Variants in ATRNL1 observed in about 807,000 individuals in gnomAD.
The protein encoded by ATRNL1 is attractin like 1.
ATRNL1 carries 95 observed loss-of-function variants against 182.7 expected under a neutral mutation model. The observed-to-expected ratio is 0.52, with a 90% CI of 0.44 to 0.62. The LOEUF is 0.62. ATRNL1 is among the 20% of genes least tolerant of loss of function. The pLI is 0.00. For synonymous variants in ATRNL1, 576 were observed against 568.3 expected (o/e 1.01, Z -0.19); for missense variants, 1,471 against 1,679.5 (o/e 0.88, Z 2.17).
At chr10:115,475,772 C>A (rs951995873) in intron 24 of ATRNL1, among the ~76,000 whole-genome samples, 1 of 151,240 alleles carries the variant, frequency 6.6e-6, no homozygotes, top group African/African-American at 2.4e-5. Flanking sequence ...TCACCGTCAA[C>A]GTCATTGGTA....
intron 8 of ATRNL1, among the ~76,000 whole-genome samples, chr10:115,205,183 C>T (rs1848750313): frequency 6.6e-6 from 1 of 151,950 alleles, no homozygotes; most frequent in African/African-American, 2.4e-5. Context: ...CACACACCAC[C>T]ATTACAGTAT....
At chr10:115,462,185 T>G (rs1554969843) in intron 22 of ATRNL1, 150 bp downstream of exon 22, 1 of 496,380 alleles carries the variant, frequency 2.0e-6, no homozygotes. Flanking sequence ...TCTTCGTGAT[T>G]CAATAATTTG....
chr10:115,748,922 G>C (rs1565344752), intron 27 of ATRNL1, among the ~76,000 whole-genome samples: 1 of 151,918 alleles, frequency 6.6e-6, no homozygotes, highest in East Asian at 1.9e-4. Flanking sequence ...AATGTATTTA[G>C]CTTAAATAAT....
At chr10:115,791,066 A>G (rs540795849) in intron 27 of ATRNL1, among the ~76,000 whole-genome samples, 107 of 152,264 alleles carry the variant, frequency 7.0e-4, no homozygotes, top group African/African-American at 2.3e-3. Context: ...TATATTATAC[A>G]TGTTCCTGTC....
chr10:115,850,364 A>G (rs994931849), intron 28 of ATRNL1, among the ~76,000 whole-genome samples: 7 of 152,196 alleles, frequency 4.6e-5, no homozygotes, highest in Non-Finnish European at 7.3e-5. Flanking sequence ...AATTTTTCCA[A>G]TATCATCATC....
At chr10:115,797,238 A>G (rs555476837) in intron 27 of ATRNL1, among the ~76,000 whole-genome samples, 2 of 152,360 alleles carry the variant, frequency 1.3e-5, no homozygotes, top group African/African-American at 4.8e-5. Context: ...GGCCCAGTAC[A>G]AAATGAAAAT....
intron 26 of ATRNL1, among the ~76,000 whole-genome samples, chr10:115,662,033 G>T (rs1312632559): frequency 6.6e-6 from 1 of 151,258 alleles, no homozygotes; most frequent in Non-Finnish European, 1.5e-5. Flanking sequence ...GCAGTGTTTG[G>T]TTTTTTGTCC....
At chr10:115,836,635 C>T (rs1232658500) in intron 27 of ATRNL1, among the ~76,000 whole-genome samples, 2 of 152,138 alleles carry the variant, frequency 1.3e-5, no homozygotes, top group Non-Finnish European at 1.5e-5. Flanking sequence ...GTGACTCTCC[C>T]GTGTGGCATC....
At chr10:115,152,007 A>G (rs539409384) in intron 5 of ATRNL1, among the ~76,000 whole-genome samples, 1 of 152,330 alleles carries the variant, frequency 6.6e-6, no homozygotes, top group African/African-American at 2.4e-5. Context: ...CAGGTTTGTC[A>G]AAGATCAGAT....
chr10:115,706,877 G>T (rs1946916065), intron 26 of ATRNL1, among the ~76,000 whole-genome samples: 1 of 151,754 alleles, frequency 6.6e-6, no homozygotes, highest in African/African-American at 2.4e-5. Context: ...TTCTGAAAAA[G>T]ATTACTTCCT....
chr10:115,502,741 T>C (rs1554980384), intron 24 of ATRNL1, among the ~76,000 whole-genome samples: 1 of 152,126 alleles, frequency 6.6e-6, no homozygotes, highest in African/African-American at 2.4e-5. Flanking sequence ...TAAACTGAAC[T>C]GATTTTATCT....
intron 26 of ATRNL1, among the ~76,000 whole-genome samples, chr10:115,672,128 A>G (rs545000317): frequency 6.6e-6 from 1 of 152,254 alleles, no homozygotes; most frequent in Non-Finnish European, 1.5e-5. Flanking sequence ...AATGATAAAA[A>G]CAACAATTAC....
At chr10:115,750,457 G>T (rs2907529) in intron 27 of ATRNL1, among the ~76,000 whole-genome samples, 4 of 151,730 alleles carry the variant, frequency 2.6e-5, no homozygotes, top group Non-Finnish European at 5.9e-5. Context: ...AAATGTAACA[G>T]AATCAAATTC....
intron 5 of ATRNL1, among the ~76,000 whole-genome samples, chr10:115,130,531 AT>A (rs11311101): frequency 0.013 from 1,981 of 152,208 alleles, 39 homozygotes; most frequent in African/African-American, 0.046. Context: ...TCATTAAAAA[AT>A]ATTAGGTATG....
intron 21 of ATRNL1, among the ~76,000 whole-genome samples, chr10:115,451,005 A>G (rs1274683211): frequency 2.0e-5 from 3 of 152,206 alleles, no homozygotes; most frequent in African/African-American, 7.2e-5. Context: ...AATAAAGCTC[A>G]CAAAAACAAG....
At position 115,366,852 on chromosome 10, in the gene ATRNL1, T is replaced by C. The variant is rs1444218324; in HGVS notation, c.3176-27807T>C. 3.4e-5 allele frequency among the ~76,000 whole-genome samples: 5 copies of C among 144,972 alleles called. No individual in the cohort carries two copies. The South Asian group carries it at 6.5e-4, about 19-fold the overall frequency. Reference sequence around the variant, plus strand: ...AAGAATGTTGAATATTGGCCCCCACTCTCTTCTGGCTTGTAGGGTTTCTGC... The same window carrying C: ...AAGAATGTTGAATATTGGCCCCCACCCTCTTCTGGCTTGTAGGGTTTCTGC... On this transcript the variant is annotated intron_variant, in intron 19 of 28. Coordinates refer to ENST00000355044, the MANE Select transcript of ATRNL1 (RefSeq NM_207303.4).
At chr10:115,194,239 T>C (rs1255862408) in intron 8 of ATRNL1, among the ~76,000 whole-genome samples, 8 of 152,044 alleles carry the variant, frequency 5.3e-5, no homozygotes, top group East Asian at 1.9e-4. Flanking sequence ...TCTGATCTGA[T>C]GTTTCTTTGT....
chr10:115,480,769 A>ACC (rs1366862143), intron 24 of ATRNL1, among the ~76,000 whole-genome samples: 5 of 151,216 alleles, frequency 3.3e-5, no homozygotes, highest in Non-Finnish European at 7.4e-5. Flanking sequence ...CATATTGCCC[A>ACC]CAAAGCTGAA....
chr10:115,325,958 T>C (rs1257260384), intron 18 of ATRNL1, among the ~76,000 whole-genome samples: 2 of 152,122 alleles, frequency 1.3e-5, no homozygotes, highest in African/African-American at 4.8e-5. Flanking sequence ...CAGTAACCCA[T>C]TTCTTACTTT....
Sources: gnomAD v4.1 joint callset for allele counts (sites outside exome capture counted in the v4.1 genomes callset) on GRCh38, gnomAD v4.1.1 for gene constraint, MANE v1.5 for transcripts, NCBI Gene and HGNC (gene_info 2026-07-23, HGNC 2026-07-21) for gene names.